The following FAF1 variants were observed in gnomAD, a reference collection of about 807,000 sequenced individuals.
FAF1 encodes the protein FAS-associated factor 1.
FAF1 carries 25 observed loss-of-function variants against 92.5 expected under a neutral mutation model. The observed-to-expected ratio is 0.27, with a 90% confidence interval of 0.20 to 0.38. The LOEUF (loss-of-function observed/expected upper bound fraction) is 0.38, where lower values mean the gene tolerates loss of function less well. Ranked by LOEUF, FAF1 falls within the 10% of genes least tolerant of loss-of-function variation. The probability of loss-of-function intolerance (pLI) is 1.00; values close to 1 mark genes in which losing one functional copy is unlikely to be tolerated. For missense variants in FAF1, 636 were observed against 793.3 expected (o/e 0.80, Z 2.38); for synonymous variants, 234 against 273.2 (o/e 0.86, Z 1.42).
At chr1:50,752,944 A>G (rs564994359) in intron 4 of FAF1, among the ~76,000 whole-genome samples, 1 of 152,206 alleles carries the variant, frequency 6.6e-6, no homozygotes, top group Non-Finnish European at 1.5e-5. Flanking sequence ...TCAGCCTCCC[A>G]AAGTGCTGGG....
At chr1:50,794,919 G>A (rs1483013250) in intron 3 of FAF1, among the ~76,000 whole-genome samples, 1 of 151,968 alleles carries the variant, frequency 6.6e-6, no homozygotes, top group Non-Finnish European at 1.5e-5. Context: ...TTACAGGCGT[G>A]AGCCACCGTA....
intron 15 of FAF1, 33 bp downstream of exon 15, chr1:50,535,336 T>C (rs1648417755): frequency 2.2e-6 from 3 of 1,375,130 alleles, no homozygotes; most frequent in Admixed American, 1.7e-5. Flanking sequence ...TAAAATCTCA[T>C]CAAAATCCTA....
intron 1 of FAF1, among the ~76,000 whole-genome samples, chr1:50,919,267 A>C (rs569409944): frequency 6.6e-6 from 1 of 152,224 alleles, no homozygotes; most frequent in South Asian, 2.1e-4. Flanking sequence ...TATAAAAAAC[A>C]GTAACGGTTT....
intron 1 of FAF1, among the ~76,000 whole-genome samples, chr1:50,916,996 G>A (rs1415248781): frequency 3.3e-5 from 5 of 152,126 alleles, no homozygotes; most frequent in South Asian, 2.1e-4. Context: ...CAGATGAATC[G>A]TGATAACTAC....
intron 1 of FAF1, among the ~76,000 whole-genome samples, chr1:50,910,294 C>T (rs1482929596): frequency 2.0e-5 from 3 of 152,236 alleles, no homozygotes; most frequent in Non-Finnish European, 4.4e-5. Context: ...TCAGCCCCTA[C>T]TGGGAGGTGT....
At chr1:50,506,800 G>A (rs1647064365) in intron 15 of FAF1, among the ~76,000 whole-genome samples, 1 of 152,136 alleles carries the variant, frequency 6.6e-6, no homozygotes, top group Admixed American at 6.5e-5. Context: ...AAGAAAAGAA[G>A]TGACCATATA....
At chr1:50,738,346 G>A (rs542569638) in intron 6 of FAF1, among the ~76,000 whole-genome samples, 1 of 152,076 alleles carries the variant, frequency 6.6e-6, no homozygotes, top group East Asian at 1.9e-4. Flanking sequence ...AGGAGGCTGA[G>A]GGAGGGGAAT....
intron 1 of FAF1, among the ~76,000 whole-genome samples, chr1:50,919,385 CAATTCT>C (rs1004880790): frequency 6.1e-4 from 92 of 151,288 alleles, no homozygotes; most frequent in Non-Finnish European, 1.3e-3. Flanking sequence ...CTTTAAAAAA[CAATTCT>C]AAGCAAAAAT....
At chr1:50,664,231 C>T (rs1251205032) in intron 7 of FAF1, among the ~76,000 whole-genome samples, 4 of 150,724 alleles carry the variant, frequency 2.7e-5, no homozygotes, top group Non-Finnish European at 5.9e-5. Context: ...CTCTTGACCT[C>T]GTGATCCGCC....
At chr1:50,517,432 T>C (rs1229649113) in intron 15 of FAF1, among the ~76,000 whole-genome samples, 1 of 152,124 alleles carries the variant, frequency 6.6e-6, no homozygotes, top group South Asian at 2.1e-4. Context: ...TAAGCCTAGA[T>C]TAAAAATAAC....
intron 3 of FAF1, among the ~76,000 whole-genome samples, chr1:50,800,088 C>G (rs1051477749): frequency 5.3e-5 from 8 of 152,100 alleles, no homozygotes; most frequent in African/African-American, 1.9e-4. Flanking sequence ...ACTCTGATCA[C>G]AGTTCAACCC....
chr1:50,884,539 AT>A (rs1395209069), intron 1 of FAF1, among the ~76,000 whole-genome samples: 1,838 of 149,786 alleles, frequency 0.012, 34 homozygotes, highest in African/African-American at 0.042. Context: ...AAAAAAAAAA[AT>A]TTTTTTTCTT....
intron 13 of FAF1, among the ~76,000 whole-genome samples, chr1:50,545,185 A>C (rs1648949940): frequency 6.6e-6 from 1 of 152,188 alleles, no homozygotes; most frequent in Non-Finnish European, 1.5e-5. Flanking sequence ...CAAAAAATAA[A>C]GTTTCTAGAA....
At chr1:50,728,786 G>A (rs568479302) in intron 6 of FAF1, among the ~76,000 whole-genome samples, 3 of 144,890 alleles carry the variant, frequency 2.1e-5, no homozygotes, top group Middle Eastern at 3.2e-3. Context: ...GCCAGACTCC[G>A]TCTCAAAAAA....
chr1:50,743,740 A>AT (rs1481137192), intron 5 of FAF1, among the ~76,000 whole-genome samples: 2 of 151,878 alleles, frequency 1.3e-5, no homozygotes, highest in Non-Finnish European at 2.9e-5. Flanking sequence ...GAACTAACTC[A>AT]TTTTTTTTCC....
intron 8 of FAF1, among the ~76,000 whole-genome samples, chr1:50,627,915 C>T (rs1320279888): frequency 1.3e-5 from 2 of 151,858 alleles, no homozygotes; most frequent in African/African-American, 2.4e-5. Context: ...GGCAGTCATT[C>T]GTACCTAAAG....
intron 15 of FAF1, among the ~76,000 whole-genome samples, chr1:50,529,771 T>C (rs1013018795): frequency 6.6e-6 from 1 of 152,212 alleles, no homozygotes; most frequent in East Asian, 1.9e-4. Flanking sequence ...AATTTCTGGG[T>C]TGTAAGCCTA....
At chr1:50,623,827 C>T (rs1204394555) in intron 8 of FAF1, among the ~76,000 whole-genome samples, 1 of 151,772 alleles carries the variant, frequency 6.6e-6, no homozygotes, top group African/African-American at 2.4e-5. Context: ...CCTGTAGTCA[C>T]AACTACCCAA....
intron 8 of FAF1, among the ~76,000 whole-genome samples, chr1:50,642,707 A>C (rs1252561387): frequency 6.7e-6 from 1 of 150,350 alleles, no homozygotes; most frequent in Non-Finnish European, 1.5e-5. Context: ...CTTGTTTTTT[A>C]AAGTTCATTT....
Sources: gnomAD v4.1 joint callset for allele counts (sites outside exome capture counted in the v4.1 genomes callset) on GRCh38, gnomAD v4.1.1 for gene constraint, MANE v1.5 for transcripts, NCBI Gene and HGNC (gene_info 2026-07-23, HGNC 2026-07-21) for gene names.